The following PTPRT variants were observed in gnomAD, a reference collection of about 807,000 sequenced individuals.
The protein encoded by PTPRT is receptor-type tyrosine-protein phosphatase T.
PTPRT carries 56 observed loss-of-function variants against 176.8 expected under a neutral mutation model. The observed-to-expected ratio is 0.32, with a 90% CI of 0.26 to 0.40. PTPRT has a LOEUF of 0.40. Ranked by LOEUF, PTPRT falls within the 10% of genes least tolerant of loss-of-function variation. The pLI is 1.00. For synonymous variants in PTPRT, 783 were observed against 739.0 expected (o/e 1.06, Z -0.96); for missense variants, 1,540 against 1,908.2 (o/e 0.81, Z 3.60).
rs548600998 is a variant in PTPRT at position 42,293,959 on chromosome 20, G to T, written c.2140-11434C>A. 4.0e-5 allele frequency among the ~76,000 whole-genome samples: 6 copies of T among 151,810 alleles called. No individual in the cohort carries two copies. The East Asian group carries it at 1.2e-3, about 29-fold the overall frequency. On this transcript the variant is annotated intron_variant, in intron 12 of 30. Transcript: ENST00000373187. The stretch of plus-strand genomic sequence containing the variant: ...CCACATATGATTCAAAAACAACACA[G>T]GAAAAGAAGAAAAAAATAAAATTGT...
intron 3 of PTPRT, among the ~76,000 whole-genome samples, chr20:42,785,426 A>G (rs1600735486): frequency 6.6e-6 from 1 of 152,354 alleles, no homozygotes; most frequent in East Asian, 1.9e-4. Context: ...CCAGAGCTCC[A>G]GGTCTGGTGA....
chr20:42,673,930 T>C (rs1191519712), intron 7 of PTPRT, among the ~76,000 whole-genome samples: 1 of 152,210 alleles, frequency 6.6e-6, no homozygotes, highest in Non-Finnish European at 1.5e-5. Flanking sequence ...CTTGCCTTTA[T>C]GTTTTACCTT....
At chr20:42,756,364 C>T (rs932038761) in intron 6 of PTPRT, 98 bp downstream of exon 6, 7 of 1,238,612 alleles carry the variant, frequency 5.7e-6, no homozygotes, top group Non-Finnish European at 7.5e-6. Context: ...TCCTCTTTTA[C>T]TGAATGTGGG....
intron 7 of PTPRT, among the ~76,000 whole-genome samples, chr20:42,509,505 T>C (rs1469131965): frequency 7.3e-6 from 1 of 136,112 alleles, no homozygotes; most frequent in South Asian, 2.2e-4. Context: ...ATAAATTATA[T>C]AATTTATATT....
chr20:42,374,858 CA>C (rs1269634657), intron 9 of PTPRT, among the ~76,000 whole-genome samples: 21 of 152,112 alleles, frequency 1.4e-4, no homozygotes, highest in Non-Finnish European at 2.9e-5. Context: ...AAGCTTCTTA[CA>C]AGAAGTTAGT....
chr20:42,148,258 T>G (rs1371683595), intron 17 of PTPRT, among the ~76,000 whole-genome samples: 1 of 134,224 alleles, frequency 7.5e-6, no homozygotes, highest in African/African-American at 3.0e-5. Context: ...TCCAAGGCAG[T>G]CATTTTTTTT....
intron 1 of PTPRT, among the ~76,000 whole-genome samples, chr20:43,123,647 C>T (rs1600728393): frequency 6.6e-6 from 1 of 152,292 alleles, no homozygotes; most frequent in East Asian, 1.9e-4. Context: ...AGCTGCATTG[C>T]CTCTTCTGTG....
At chr20:42,334,996 G>A (rs537097267) in intron 11 of PTPRT, among the ~76,000 whole-genome samples, 4 of 152,310 alleles carry the variant, frequency 2.6e-5, no homozygotes, top group South Asian at 4.1e-4. Flanking sequence ...GACATCAGTG[G>A]ATGAGCAGTT....
rs543901000 is a variant in PTPRT, at chr20:42,425,939, C to T, written c.1560+22281G>A. On this transcript the variant is annotated intron_variant, in intron 9 of 30. Coordinates refer to ENST00000373187, the MANE Select transcript of PTPRT (RefSeq NM_007050.6). ...GGGGCTGCCAATAAGCAGTTTGGTG[C>T]TGCCAGAACATAGAGGTGGAAAAAG... 1.2e-3 allele frequency among the ~76,000 whole-genome samples: 190 copies of T among 152,208 alleles called. 1 individual carries two copies. Among genetic ancestry groups the T allele is most frequent in the African/African-American group, 4.4e-3 (184 of 41,534 alleles).
At chr20:42,701,132 G>A (rs533894670) in intron 6 of PTPRT, among the ~76,000 whole-genome samples, 5 of 152,238 alleles carry the variant, frequency 3.3e-5, no homozygotes, top group East Asian at 3.9e-4. Flanking sequence ...TTAAACCACC[G>A]CAGAGTCATG....
chr20:42,111,366 T>G (rs1986984725), intron 22 of PTPRT, among the ~76,000 whole-genome samples: 1 of 152,212 alleles, frequency 6.6e-6, no homozygotes, highest in Admixed American at 6.5e-5. Flanking sequence ...TTCCCAGCCT[T>G]GTGCTAGGTA....
chr20:42,459,686 A>T (rs1311170075), intron 8 of PTPRT, among the ~76,000 whole-genome samples: 1 of 152,130 alleles, frequency 6.6e-6, no homozygotes, highest in Non-Finnish European at 1.5e-5. Context: ...TAAAGGGTGA[A>T]GAGGTTCTCT....
intron 9 of PTPRT, among the ~76,000 whole-genome samples, chr20:42,420,868 A>C (rs758927438): frequency 6.6e-6 from 1 of 152,212 alleles, no homozygotes; most frequent in Non-Finnish European, 1.5e-5. Context: ...CGGATAAGTG[A>C]GGCAGCTATG....
chr20:42,296,923 T>C (rs370509355), intron 12 of PTPRT, among the ~76,000 whole-genome samples: 71 of 152,242 alleles, frequency 4.7e-4, no homozygotes, highest in African/African-American at 1.7e-3. Flanking sequence ...TCAAAATGTC[T>C]CATTTACCCC....
rs556425494 is a variant in PTPRT, at chr20:42,741,973, G to A, written c.859+14489C>T. On this transcript the variant is annotated intron_variant, in intron 6 of 30. Coordinates refer to ENST00000373187, the MANE Select transcript of PTPRT (RefSeq NM_007050.6). ...CAAATATATCTGAAAAAGTTGGTTG[G>A]TCACTTAATTAACTATATTACCCTA... Among the ~76,000 whole-genome samples the A allele has an allele frequency of 3.9e-5, 6 of 152,244 alleles. No individual in the cohort carries two copies. In the East Asian group the frequency reaches 1.2e-3, roughly 29 times the overall value.
chr20:42,854,343 AGGAG>A (rs2078526471), intron 2 of PTPRT, among the ~76,000 whole-genome samples: 2 of 152,234 alleles, frequency 1.3e-5, no homozygotes, highest in Non-Finnish European at 2.9e-5. Flanking sequence ...GCATGGTTTA[AGGAG>A]GCCAAGACAT....
At position 42,315,850 on chromosome 20, in the gene PTPRT, G is replaced by T. The variant is rs1431956655; in HGVS notation, c.2012C>A (p.Ala671Asp). 6.2e-7 allele frequency: 1 copy of T among 1,614,042 alleles called. No homozygotes were observed. The highest frequency in any genetic ancestry group is 1.3e-5 in the African/African-American group (1 of 74,910). ...LHYFAAELKPANLPVTQPFTV... is the reference protein window; with the variant it reads ...LHYFAAELKPDNLPVTQPFTV... Reference sequence around the variant, plus strand: ...AAATGGCTGGGTGACAGGCAGGTTGGCAGGCTTCAACTCAGCAGCAAAGTA... The same window carrying T: ...AAATGGCTGGGTGACAGGCAGGTTGTCAGGCTTCAACTCAGCAGCAAAGTA... The change falls in exon 12 of 31, where the codon GCC becomes GAC. Residue 671 changes from alanine to aspartate, a missense_variant. By Grantham distance (126) the Ala-to-Asp change is moderately radical (BLOSUM62 -2). This residue lies in a region of PTPRT where 81 missense variants were observed against 89.9 expected (regional missense o/e 0.90). Coordinates refer to ENST00000373187, the MANE Select transcript of PTPRT (RefSeq NM_007050.6).
chr20:42,767,834 T>C (rs1335276474), intron 5 of PTPRT, among the ~76,000 whole-genome samples: 1 of 146,678 alleles, frequency 6.8e-6, no homozygotes, highest in East Asian at 1.9e-4. Flanking sequence ...TTATATATGT[T>C]ATATAACATA....
chr20:43,007,374 G>A (rs1984905842), intron 1 of PTPRT, among the ~76,000 whole-genome samples: 1 of 152,160 alleles, frequency 6.6e-6, no homozygotes, highest in Admixed American at 6.5e-5. Flanking sequence ...TTAAATACAG[G>A]CAGCATCAGA....
Sources: gnomAD v4.1 joint callset for allele counts (sites outside exome capture counted in the v4.1 genomes callset) on GRCh38, gnomAD v4.1.1 for gene constraint, gnomAD v4.1.1 regional missense constraint, MANE v1.5 for transcripts, NCBI Gene and HGNC (gene_info 2026-07-23, HGNC 2026-07-21) for gene names.